PTPRN2: variants seen among roughly 807,000 people sequenced by gnomAD.
The protein encoded by PTPRN2 is receptor-type tyrosine-protein phosphatase N2.
In PTPRN2, 74 loss-of-function variants were observed where a neutral mutation model predicts 118.8. That is an observed-to-expected ratio of 0.62 (90% CI 0.52 to 0.76). PTPRN2 has a LOEUF of 0.76. Ranked by LOEUF, PTPRN2 falls within the 30% of genes least tolerant of loss-of-function variation. The pLI, the probability that PTPRN2 is intolerant of heterozygous loss-of-function variation, is 0.00. For missense variants in PTPRN2, 1,481 were observed against 1,394.4 expected (o/e 1.06, Z -0.99); for synonymous variants, 641 against 608.0 (o/e 1.05, Z -0.80).
rs767116221 is a variant in PTPRN2, at chr7:157,893,944, C to T, written c.1788+4729G>A. ...TGAGAGCAGAAAGCAATGCAGGGGACGGCTGGGTTCTGCCTTCAGAGGAAA... is the reference window on the plus strand; with the variant it reads ...TGAGAGCAGAAAGCAATGCAGGGGATGGCTGGGTTCTGCCTTCAGAGGAAA... On this transcript the variant is annotated intron_variant, in intron 12 of 22. Transcript: ENST00000389418. The surrounding 1 kb of genome is among the most constrained non-coding windows in gnomAD (Gnocchi z 4.0). Among the ~76,000 whole-genome samples, 19 of 152,128 alleles carry T rather than the reference C, an allele frequency of 1.2e-4. No individual in the cohort carries two copies. The highest frequency in any genetic ancestry group is 4.6e-4 in the Admixed American group (7 of 15,272).
intron 11 of PTPRN2, among the ~76,000 whole-genome samples, chr7:158,004,012 A>G (rs953781394): frequency 6.6e-6 from 1 of 152,176 alleles, no homozygotes; most frequent in Non-Finnish European, 1.5e-5. Context: ...ACTGAGTTCC[A>G]GAAGACTCCG....
At chr7:157,955,104 G>A (rs769817899) in intron 11 of PTPRN2, among the ~76,000 whole-genome samples, 9 of 152,072 alleles carry the variant, frequency 5.9e-5, no homozygotes, top group Admixed American at 2.0e-4. Flanking sequence ...CCAGAAAGAC[G>A]GATCCACCGG....
intron 2 of PTPRN2, among the ~76,000 whole-genome samples, chr7:158,331,781 C>G (rs1262822654): frequency 6.6e-6 from 1 of 151,050 alleles, no homozygotes; most frequent in Non-Finnish European, 1.5e-5. Flanking sequence ...TAAGAGCTGT[C>G]ACGCACAGAC....
At chr7:158,150,281 C>A (rs553751520) in intron 6 of PTPRN2, among the ~76,000 whole-genome samples, 1 of 152,242 alleles carries the variant, frequency 6.6e-6, no homozygotes, top group Admixed American at 6.5e-5. Context: ...TGAATCCAGG[C>A]TGTTTCTGCT....
At chr7:158,297,161 C>A (rs1800561724) in intron 3 of PTPRN2, among the ~76,000 whole-genome samples, 1 of 152,232 alleles carries the variant, frequency 6.6e-6, no homozygotes, top group South Asian at 2.1e-4. Flanking sequence ...ACAGCTTCTG[C>A]CAATGGCTGG....
chr7:158,156,701 C>G lies in PTPRN2; in HGVS notation c.910+10230G>C, dbSNP rs575741553. Among the ~76,000 whole-genome samples the G allele has an allele frequency of 3.3e-5, 5 of 152,364 alleles. No individual in the cohort carries two copies. The East Asian group carries it at 9.6e-4, about 29-fold the overall frequency. ...CCCCAGTTCCAGCCTGTGACGCACT[C>G]ACCCGTGGGAAGGGGAAAGGCTCCC... On this transcript the variant is annotated intron_variant, in intron 6 of 22. Transcript: ENST00000389418.
chr7:157,639,351 G>A (rs1209660809), intron 14 of PTPRN2, among the ~76,000 whole-genome samples: 1 of 152,108 alleles, frequency 6.6e-6, no homozygotes, highest in Non-Finnish European at 1.5e-5. Context: ...TCTTTATTAG[G>A]GAGAACACAC....
chr7:157,723,087 A>G (rs540234740), intron 12 of PTPRN2, among the ~76,000 whole-genome samples: 1 of 152,370 alleles, frequency 6.6e-6, no homozygotes, highest in African/African-American at 2.4e-5. Flanking sequence ...TTGGAAGCAC[A>G]AAATTGAATT....
intron 13 of PTPRN2, among the ~76,000 whole-genome samples, chr7:157,681,790 G>A (rs913688918): frequency 6.6e-6 from 1 of 152,134 alleles, no homozygotes. Flanking sequence ...CTTTACATAC[G>A]ACTGTAAAAA....
intron 2 of PTPRN2, among the ~76,000 whole-genome samples, chr7:158,356,548 C>A (rs1427716347): frequency 6.6e-6 from 1 of 152,136 alleles, no homozygotes; most frequent in Non-Finnish European, 1.5e-5. Context: ...CCCAACACTG[C>A]CAGCAATCTG....
In PTPRN2 at chr7:158,317,088, C is replaced by T. The variant is rs138679577; in HGVS notation, c.164-156G>A. On this transcript the variant is annotated intron_variant, in intron 2 of 22. Coordinates refer to ENST00000389418, the MANE Select transcript of PTPRN2 (RefSeq NM_002847.5). ...AGGGCTGTTAGGACCCGGGAGCACC[C>T]GGAGGATGCTGGTTTGTGAGATAAA... 7.4e-3 allele frequency among the ~76,000 whole-genome samples: 1,134 copies of T among 152,254 alleles called. 5 individuals carry two copies. Among genetic ancestry groups the T allele is most frequent in the South Asian group, 0.012 (59 of 4,826 alleles).
At chr7:158,413,164 T>G (rs1014681910) in intron 2 of PTPRN2, among the ~76,000 whole-genome samples, 1 of 152,134 alleles carries the variant, frequency 6.6e-6, no homozygotes, top group Non-Finnish European at 1.5e-5. Flanking sequence ...CTCCCTTCCC[T>G]CTCGCCACTG....
intron 12 of PTPRN2, among the ~76,000 whole-genome samples, chr7:157,754,459 G>A (rs73165824): frequency 0.067 from 10,187 of 152,298 alleles, 521 homozygotes; most frequent in African/African-American, 0.14. Flanking sequence ...GTGTGGGACC[G>A]TGGGCAGACA....
rs553081001 is a variant in PTPRN2 at position 157,893,512 on chromosome 7, A to G, written c.1788+5161T>C. Among the ~76,000 whole-genome samples, 144 of 152,358 alleles carry G rather than the reference A, an allele frequency of 9.5e-4. 7 individuals carry two copies. In the South Asian group the frequency reaches 0.029, roughly 31 times the overall value. ...TGAGCAGCAATTCAGATTTCCATGCATTGAATCAATCTACTTCCTAGACAG... is the reference window on the plus strand; with the variant it reads ...TGAGCAGCAATTCAGATTTCCATGCGTTGAATCAATCTACTTCCTAGACAG... On this transcript the variant is annotated intron_variant, in intron 12 of 22. Transcript: ENST00000389418. This position sits in a 1 kb window ranked among gnomAD's most constrained non-coding sequence, Gnocchi z 4.0.
chr7:157,894,854 G>A (rs144864370), intron 12 of PTPRN2, among the ~76,000 whole-genome samples: 14 of 152,294 alleles, frequency 9.2e-5, no homozygotes, highest in South Asian at 2.1e-4. Flanking sequence ...GCCAGAGCAC[G>A]GTCCACACTT....
In PTPRN2 at chr7:157,540,872, G is replaced by A. The variant is rs73744996; in HGVS notation, c.2977-87C>T. 444 of 1,117,400 alleles carry A rather than the reference G, an allele frequency of 4.0e-4. 3 individuals carry two copies. The African/African-American group carries it at 6.2e-3, about 16-fold the overall frequency. The allele number at this position is 1,117,400 out of a possible 1,614,324, so 69.2% of individuals were successfully genotyped here. A position where few individuals can be genotyped will look rare whatever the true frequency, so the allele number is the denominator to read the frequency against. Reference sequence around the variant, plus strand: ...GCGTCGGCTCCCTGCAGATGAAAGCGGCGTCCCCCCTTCCCAACGCAGCAT... The same window carrying A: ...GCGTCGGCTCCCTGCAGATGAAAGCAGCGTCCCCCCTTCCCAACGCAGCAT... On this transcript the variant is annotated intron_variant, in intron 22 of 22. Coordinates refer to ENST00000389418, the MANE Select transcript of PTPRN2 (RefSeq NM_002847.5).
chr7:158,258,289 C>T (rs752885049), intron 3 of PTPRN2, among the ~76,000 whole-genome samples: 16 of 152,236 alleles, frequency 1.1e-4, no homozygotes, highest in Non-Finnish European at 1.0e-4. Flanking sequence ...ACGCCTCCCC[C>T]GGCATCTCCA....
chr7:158,229,872 A>G (rs1366090936), intron 3 of PTPRN2, among the ~76,000 whole-genome samples: 2 of 152,102 alleles, frequency 1.3e-5, no homozygotes, highest in Non-Finnish European at 2.9e-5. Flanking sequence ...GAAAGACATA[A>G]ACATCTAGGT....
At chr7:157,836,905 C>T (rs1355006310) in intron 12 of PTPRN2, among the ~76,000 whole-genome samples, 1 of 151,866 alleles carries the variant, frequency 6.6e-6, no homozygotes, top group Non-Finnish European at 1.5e-5. Flanking sequence ...CATCCATCTA[C>T]CCACCCACCC....
Sources: gnomAD v4.1 joint callset for allele counts (sites outside exome capture counted in the v4.1 genomes callset) on GRCh38, gnomAD v4.1.1 for gene constraint, Gnocchi (gnomAD v3.1) non-coding constraint, MANE v1.5 for transcripts, NCBI Gene and HGNC (gene_info 2026-07-23, HGNC 2026-07-21) for gene names.